The following TESK2 variants were observed in gnomAD, a reference collection of about 807,000 sequenced individuals.
The protein encoded by TESK2 is dual specificity testis-specific protein kinase 2.
A neutral mutation model predicts 57.1 loss-of-function variants in TESK2; 39 were observed. The ratio of observed to expected loss-of-function variants is 0.68; its 90% confidence interval spans 0.53 to 0.89. The LOEUF is 0.89. TESK2 is among the 40% of genes least tolerant of loss of function. The probability of loss-of-function intolerance (pLI) is 0.00; values close to 1 mark genes in which losing one functional copy is unlikely to be tolerated. For synonymous variants in TESK2, 249 were observed against 267.9 expected (o/e 0.93, Z 0.69); for missense variants, 646 against 732.1 (o/e 0.88, Z 1.36).
chr1:45,380,977 T>G (rs1338472864), intron 4 of TESK2, among the ~76,000 whole-genome samples: 1 of 152,212 alleles, frequency 6.6e-6, no homozygotes, highest in East Asian at 1.9e-4. Context: ...GTAATAGAAA[T>G]AGACTTTGAA....
At chr1:45,352,093 T>C (rs779148498) in intron 5 of TESK2, among the ~76,000 whole-genome samples, 4 of 152,206 alleles carry the variant, frequency 2.6e-5, no homozygotes, top group Non-Finnish European at 5.9e-5. Context: ...TCAGAGATGA[T>C]AAAAGGGCAA....
chr1:45,358,081 AG>A (rs1048784764), intron 4 of TESK2, among the ~76,000 whole-genome samples: 4 of 150,598 alleles, frequency 2.7e-5, no homozygotes, highest in Admixed American at 1.3e-4. Flanking sequence ...TGGGAGGCCA[AG>A]GTGGGCAGAT....
At chr1:45,428,483 A>C (rs1273021260) in intron 2 of TESK2, among the ~76,000 whole-genome samples, 2 of 152,090 alleles carry the variant, frequency 1.3e-5, no homozygotes, top group Non-Finnish European at 2.9e-5. Flanking sequence ...ATGTAAGGCA[A>C]ATGTGACAAA....
chr1:45,410,770 T>A (rs1049287005), intron 3 of TESK2, among the ~76,000 whole-genome samples: 1 of 151,654 alleles, frequency 6.6e-6, no homozygotes, highest in Non-Finnish European at 1.5e-5. Flanking sequence ...ATTTTATTTT[T>A]TATTTTTTTT....
rs1647911979 is a variant in TESK2 at position 45,366,293 on chromosome 1, G to A, written c.394-10844C>T. On this transcript the variant is annotated intron_variant, in intron 4 of 10. Coordinates refer to ENST00000372086, the MANE Select transcript of TESK2 (RefSeq NM_007170.3). ...AGCAGAGACGGAGTTTCAACATGTTGGCCAGCTGGTCTCAAACTCCTGACC... is the reference window on the plus strand; with the variant it reads ...AGCAGAGACGGAGTTTCAACATGTTAGCCAGCTGGTCTCAAACTCCTGACC... 2.0e-5 allele frequency among the ~76,000 whole-genome samples: 3 copies of A among 152,120 alleles called. No homozygotes were observed. In the South Asian group the frequency reaches 6.2e-4, roughly 32 times the overall value.
chr1:45,471,776 G>A (rs1286799909), intron 1 of TESK2, among the ~76,000 whole-genome samples: 2 of 151,464 alleles, frequency 1.3e-5, no homozygotes, highest in Non-Finnish European at 2.9e-5. Flanking sequence ...AAAGAAGTGA[G>A]AGAAGATAAG....
chr1:45,357,047 T>C (rs191841820), intron 4 of TESK2, among the ~76,000 whole-genome samples: 421 of 151,748 alleles, frequency 2.8e-3, no homozygotes, highest in Admixed American at 5.0e-3. Context: ...TACAAAAAAA[T>C]TAGCTGAGCA....
chr1:45,375,493 C>T (rs1319196962), intron 4 of TESK2, among the ~76,000 whole-genome samples: 1 of 150,098 alleles, frequency 6.7e-6, no homozygotes, highest in Non-Finnish European at 1.5e-5. Context: ...TTTATGAGGC[C>T]TTCCCTGTCT....
intron 4 of TESK2, among the ~76,000 whole-genome samples, chr1:45,375,440 G>C (rs74072253): frequency 2.1e-5 from 1 of 47,920 alleles, no homozygotes; most frequent in Non-Finnish European, 4.3e-5. Context: ...TTTTTTTTTT[G>C]TGAGCCACTG....
At chr1:45,425,360 G>C (rs1237515399) in intron 2 of TESK2, among the ~76,000 whole-genome samples, 1 of 152,044 alleles carries the variant, frequency 6.6e-6, no homozygotes, top group Non-Finnish European at 1.5e-5. Context: ...TGAATTAAAA[G>C]AGCTCTAAAA....
At chr1:45,354,116 G>T (rs1435668340) in intron 5 of TESK2, among the ~76,000 whole-genome samples, 6 of 152,304 alleles carry the variant, frequency 3.9e-5, no homozygotes, top group Admixed American at 3.3e-4. Context: ...ATTCCTATAA[G>T]GCAAGAATTT....
At chr1:45,474,462 T>C (rs1377396049) in intron 1 of TESK2, among the ~76,000 whole-genome samples, 1 of 147,650 alleles carries the variant, frequency 6.8e-6, no homozygotes, top group African/African-American at 2.5e-5. Context: ...CCCCATCTCT[T>C]TTTTTTTTAT....
chr1:45,446,253 A>T (rs1365436831), intron 2 of TESK2, among the ~76,000 whole-genome samples: 1 of 151,090 alleles, frequency 6.6e-6, no homozygotes, highest in East Asian at 1.9e-4. Context: ...TGAGGCCAGG[A>T]GTTTGAACCA....
intron 3 of TESK2, among the ~76,000 whole-genome samples, chr1:45,403,164 C>T (rs1649698454): frequency 1.3e-5 from 2 of 149,272 alleles, no homozygotes; most frequent in African/African-American, 5.0e-5. Flanking sequence ...GCCTGTGGTC[C>T]TAGCTACTCA....
intron 3 of TESK2, among the ~76,000 whole-genome samples, chr1:45,392,425 C>T (rs1020689573): frequency 8.6e-5 from 13 of 151,316 alleles, no homozygotes; most frequent in South Asian, 4.3e-4. Flanking sequence ...TTTTTTAGCC[C>T]GGCGCGGTGG....
At chr1:45,356,813 T>C (rs565906268) in intron 4 of TESK2, among the ~76,000 whole-genome samples, 16 of 152,078 alleles carry the variant, frequency 1.1e-4, no homozygotes, top group Non-Finnish European at 1.9e-4. Flanking sequence ...TCCAAGGTCA[T>C]GCATGCCCAG....
chr1:45,394,679 CTTTTTTTTTTTTTT>C (rs5773871), intron 3 of TESK2, among the ~76,000 whole-genome samples: 3 of 57,400 alleles, frequency 5.2e-5, no homozygotes, highest in African/African-American at 7.4e-5. Context: ...ACAGGAAACT[CTTTTTTTTTTTTTT>C]TTTTTTTTTT....
intron 1 of TESK2, among the ~76,000 whole-genome samples, chr1:45,473,149 CA>C (rs142807091): frequency 1.7e-3 from 161 of 96,918 alleles, no homozygotes; most frequent in East Asian, 0.013. Context: ...GACTCCGTCT[CA>C]AAAAAAAAAA....
intron 3 of TESK2, among the ~76,000 whole-genome samples, chr1:45,400,211 G>A (rs1237492835): frequency 1.3e-5 from 2 of 152,182 alleles, no homozygotes; most frequent in Admixed American, 6.5e-5. Context: ...TCAGAGTGAT[G>A]CAATGTGAGA....
Sources: gnomAD v4.1 joint callset for allele counts (sites outside exome capture counted in the v4.1 genomes callset) on GRCh38, gnomAD v4.1.1 for gene constraint, MANE v1.5 for transcripts, NCBI Gene and HGNC (gene_info 2026-07-23, HGNC 2026-07-21) for gene names.